The following CYYR1 variants were observed in gnomAD, a reference collection of about 807,000 sequenced individuals.
CYYR1 encodes the protein cysteine and tyrosine-rich protein 1.
CYYR1 carries 14 observed loss-of-function variants against 15.2 expected under a neutral mutation model. That is an observed-to-expected ratio of 0.92 (90% CI 0.61 to 1.44). The LOEUF is 1.44. Among genes scored for constraint, CYYR1 ranks in the 40% most tolerant of loss-of-function variants. The probability of loss-of-function intolerance (pLI) is 0.00; values close to 1 mark genes in which losing one functional copy is unlikely to be tolerated. For synonymous variants in CYYR1, 80 were observed against 77.4 expected, an observed-to-expected ratio of 1.03 and a Z score of -0.18; for missense variants, 228 against 209.5, an observed-to-expected ratio of 1.09 and a Z score of -0.54.
rs188783365 is a variant in CYYR1 at position 26,562,336 on chromosome 21, C to A, written c.176+3930G>T. On this transcript the variant is annotated intron_variant, in intron 2 of 3. Transcript: ENST00000652641. ...AAATAAAAAGCAACTTCATTTGGAG[C>A]CTTCTTATCTTTGTCTATTGTCTTA... Among the ~76,000 whole-genome samples, 472 of 152,222 alleles carry A rather than the reference C, an allele frequency of 3.1e-3. 1 individual carries two copies. Among genetic ancestry groups the A allele is most frequent in the African/African-American group, 0.011 (448 of 41,524 alleles).
intron 2 of CYYR1, among the ~76,000 whole-genome samples, chr21:26,563,114 G>A (rs1980354650): frequency 1.3e-5 from 2 of 152,110 alleles, no homozygotes; most frequent in African/African-American, 2.4e-5. Context: ...GCCAGTATCT[G>A]TGACTATAAT....
chr21:26,480,097 A>G (rs1439870344), intron 3 of CYYR1, among the ~76,000 whole-genome samples, 175 bp downstream of exon 3: 1 of 152,176 alleles, frequency 6.6e-6, no homozygotes, highest in Non-Finnish European at 1.5e-5. Flanking sequence ...ATTGGGTTGT[A>G]TTACTTGGAT....
intron 2 of CYYR1, among the ~76,000 whole-genome samples, chr21:26,557,163 T>G (rs748002237): frequency 1.5e-4 from 23 of 152,184 alleles, no homozygotes; most frequent in Admixed American, 3.9e-4. Context: ...TTAATTAACT[T>G]ATATGTTTTA....
chr21:26,509,597 C>T (rs1013765889), intron 2 of CYYR1, among the ~76,000 whole-genome samples: 1 of 152,168 alleles, frequency 6.6e-6, no homozygotes, highest in African/African-American at 2.4e-5. Context: ...AGTGGCTTTA[C>T]TGAAAAAGTT....
intron 2 of CYYR1, among the ~76,000 whole-genome samples, chr21:26,556,561 T>A (rs1042719636): frequency 5.3e-5 from 8 of 152,156 alleles, no homozygotes; most frequent in African/African-American, 1.9e-4. Context: ...ACAGATAGCA[T>A]GACTGGGGAG....
At chr21:26,557,092 C>T (rs1179981476) in intron 2 of CYYR1, among the ~76,000 whole-genome samples, 2 of 152,248 alleles carry the variant, frequency 1.3e-5, no homozygotes, top group African/African-American at 2.4e-5. Flanking sequence ...TATTCTGAGC[C>T]TCATCCTCCT....
At chr21:26,481,883 A>T (rs568526633) in intron 2 of CYYR1, among the ~76,000 whole-genome samples, 1 of 152,178 alleles carries the variant, frequency 6.6e-6, no homozygotes, top group African/African-American at 2.4e-5. Context: ...TAACAGAATA[A>T]TTGCCATGAG....
chr21:26,560,710 A>G (rs1224799883), intron 2 of CYYR1, among the ~76,000 whole-genome samples: 2 of 152,122 alleles, frequency 1.3e-5, no homozygotes, highest in African/African-American at 2.4e-5. Flanking sequence ...AGGCCTTTCC[A>G]GCAATCTAAA....
At chr21:26,505,533 A>G (rs749779108) in intron 2 of CYYR1, among the ~76,000 whole-genome samples, 18 of 152,222 alleles carry the variant, frequency 1.2e-4, no homozygotes, top group Non-Finnish European at 2.5e-4. Context: ...TATTGTACCT[A>G]AAGGTTGTTA....
At chr21:26,571,156 C>T (rs544939492) in intron 1 of CYYR1, among the ~76,000 whole-genome samples, 2 of 152,278 alleles carry the variant, frequency 1.3e-5, no homozygotes, top group South Asian at 4.1e-4. Flanking sequence ...AAGAACATGA[C>T]CTCTTACGGC....
chr21:26,475,250 TCAG>T (rs1405368128), intron 3 of CYYR1, among the ~76,000 whole-genome samples: 1 of 152,152 alleles, frequency 6.6e-6, no homozygotes, highest in African/African-American at 2.4e-5. Flanking sequence ...TTTTTCACTC[TCAG>T]CAGAAGACTT....
At chr21:26,474,508 G>A (rs2065077771) in intron 3 of CYYR1, among the ~76,000 whole-genome samples, 1 of 151,292 alleles carries the variant, frequency 6.6e-6, no homozygotes, top group Non-Finnish European at 1.5e-5. Flanking sequence ...GTAGTAGCTG[G>A]GGTGATCTTA....
intron 2 of CYYR1, among the ~76,000 whole-genome samples, chr21:26,496,830 C>T (rs764088493): frequency 5.9e-5 from 9 of 152,128 alleles, no homozygotes; most frequent in Non-Finnish European, 7.4e-5. Context: ...ATCTAACCCA[C>T]GTTCAGCAAG....
intron 2 of CYYR1, among the ~76,000 whole-genome samples, chr21:26,545,572 T>TTTTC (rs1267327122): frequency 8.1e-6 from 1 of 123,924 alleles, no homozygotes; most frequent in Non-Finnish European, 1.7e-5. Flanking sequence ...TTATTCTTTT[T>TTTTC]TTTTTTTTTT....
In CYYR1 at chr21:26,480,427, C is replaced by A. The variant is rs773384975; in HGVS notation, c.179G>T (p.Gly60Val). ...AAAAACAATGCCCGCAATTGCAGTGCCCCTAAAAGGAAAAACAAGTAAGTT... is the reference window on the plus strand; with the variant it reads ...AAAAACAATGCCCGCAATTGCAGTGACCCTAAAAGGAAAAACAAGTAAGTT... The part of the protein sequence containing the change: ...YYAYIGNILS[G>V]TAIAGIVFGI... Residue 60 changes from glycine (G) to valine (V), a missense_variant and splice_region_variant, in exon 3 of 4, where the codon GGC becomes GTC. Physicochemically the swap from Gly to Val is moderately radical, Grantham distance 109. Transcript: ENST00000652641. The A allele has an allele frequency of 6.2e-7, 1 of 1,607,844 alleles. No homozygotes were observed. The highest frequency in any genetic ancestry group is 1.1e-5 in the South Asian group (1 of 89,936).
intron 2 of CYYR1, among the ~76,000 whole-genome samples, chr21:26,497,165 T>C (rs539966848): frequency 1.6e-4 from 24 of 152,284 alleles, no homozygotes; most frequent in African/African-American, 5.5e-4. Context: ...TAAAACATCC[T>C]CATATTTGGT....
In CYYR1 at chr21:26,506,640, A is replaced by G. The variant is rs369956982; in HGVS notation, c.177-26211T>C. On this transcript the variant is annotated intron_variant, in intron 2 of 3. Transcript: ENST00000652641. ...GGTATGAAGATCTCCATGTGTTTCC[A>G]TCATCAGCATCTCCTGTGCTCTTAA... 2.6e-5 allele frequency: 4 copies of G among 152,214 alleles called. No homozygotes were observed. The East Asian group carries it at 5.8e-4, about 22-fold the overall frequency. 9.4% of individuals were successfully genotyped at this position (152,214 alleles called of 1,614,324 possible).
chr21:26,537,197 A>T (rs1022949296), intron 2 of CYYR1, among the ~76,000 whole-genome samples: 1 of 152,068 alleles, frequency 6.6e-6, no homozygotes, highest in Non-Finnish European at 1.5e-5. Flanking sequence ...GGACTCGGAG[A>T]CTCTGTGGTG....
chr21:26,547,118 T>C (rs188945273), intron 2 of CYYR1, among the ~76,000 whole-genome samples: 1 of 152,204 alleles, frequency 6.6e-6, no homozygotes, highest in East Asian at 1.9e-4. Context: ...GGGGTCCAGG[T>C]TGTGCAATGT....
Sources: gnomAD v4.1 joint callset for allele counts (sites outside exome capture counted in the v4.1 genomes callset) on GRCh38, gnomAD v4.1.1 for gene constraint, MANE v1.5 for transcripts, NCBI Gene and HGNC (gene_info 2026-07-23, HGNC 2026-07-21) for gene names.